ZBBX: variants seen among roughly 807,000 people sequenced by gnomAD.
ZBBX encodes zinc finger B-box domain-containing protein 1.
Under a neutral mutation model 108.5 loss-of-function variants are expected in ZBBX, and 101 were observed. The observed-to-expected ratio is 0.93, with a 90% CI of 0.79 to 1.10. The LOEUF is 1.10. Ranked by LOEUF, ZBBX falls within the 50% of genes least tolerant of loss-of-function variation. The probability of loss-of-function intolerance (pLI) is 0.00; values close to 1 mark genes in which losing one functional copy is unlikely to be tolerated. For missense variants in ZBBX, 1,009 were observed against 941.4 expected (o/e 1.07, Z -0.94); for synonymous variants, 356 against 323.4 (o/e 1.10, Z -1.08).
intron 20 of ZBBX, 151 bp downstream of exon 20, chr3:167,282,087 C>T: frequency 1.2e-6 from 1 of 856,792 alleles, no homozygotes; most frequent in South Asian, 2.3e-5. Context: ...TCGGGGATTT[C>T]CAGGAAAACA....
intron 1 of ZBBX, among the ~76,000 whole-genome samples, chr3:167,386,431 T>C (rs1387778550): frequency 6.6e-6 from 1 of 152,066 alleles, no homozygotes; most frequent in East Asian, 1.9e-4. Flanking sequence ...AACTCCAAAG[T>C]ATAGATTCCC....
the ZBBX span, among the ~76,000 whole-genome samples, chr3:167,181,877 T>C: frequency 6.6e-6 from 1 of 152,188 alleles, no homozygotes; most frequent in Non-Finnish European, 1.5e-5. Flanking sequence ...TTGGCACTTT[T>C]TGTAGGGGTT....
At chr3:167,190,829 A>T in the ZBBX span, among the ~76,000 whole-genome samples, 3 of 152,198 alleles carry the variant, frequency 2.0e-5, no homozygotes, top group East Asian at 5.8e-4. Context: ...GATGCCAGTG[A>T]GCTGAACAGA....
the ZBBX span, among the ~76,000 whole-genome samples, chr3:167,216,255 A>G: frequency 6.6e-6 from 1 of 152,160 alleles, no homozygotes; most frequent in Non-Finnish European, 1.5e-5. Flanking sequence ...AAGCTCCTTC[A>G]CCTGATAAAC....
intron 19 of ZBBX, among the ~76,000 whole-genome samples, chr3:167,287,953 G>A (rs561689329): frequency 6.6e-6 from 1 of 152,164 alleles, no homozygotes; most frequent in South Asian, 2.1e-4. Flanking sequence ...TATATAGAGA[G>A]GCAAATCATA....
the ZBBX span, among the ~76,000 whole-genome samples, chr3:167,178,649 G>T: frequency 6.6e-6 from 1 of 152,082 alleles, no homozygotes; most frequent in African/African-American, 2.4e-5. Flanking sequence ...CTGCTGATAA[G>T]GTCCTGGAGA....
rs1287590323 is a variant in ZBBX, at chr3:167,365,868, C to A, written c.273+18G>T. On this transcript the variant is annotated intron_variant, in intron 6 of 21. Transcript: ENST00000675490. ...CTTGCTTAGCAAAATGCATAAGAAT[C>A]AAATAGTATCTTCTTACCTTAACAA... 6.4e-7 allele frequency: 1 copy of A among 1,560,906 alleles called. No individual in the cohort carries two copies. The highest frequency in any genetic ancestry group is 8.8e-7 in the Non-Finnish European group (1 of 1,138,004).
At chr3:167,278,161 T>C (rs1182331273) in intron 20 of ZBBX, among the ~76,000 whole-genome samples, 1 of 118,332 alleles carries the variant, frequency 8.5e-6, no homozygotes, top group African/African-American at 3.4e-5. Context: ...AGATCCAAAA[T>C]TGACACCCTA....
Position 167,324,394 on chromosome 3 carries a change from T to G in ZBBX, c.863-2157A>C, listed in dbSNP as rs149156557. Among the ~76,000 whole-genome samples, 11 of 152,218 alleles carry G rather than the reference T, an allele frequency of 7.2e-5. No individual in the cohort carries two copies. In the East Asian group the frequency reaches 2.1e-3, roughly 29 times the overall value. ...TCCTGGCCTCCTAAAGTGCTGAAGT[T>G]ACAGACATAAGCCAGCAGACCCAGT... is the stretch of plus-strand genomic sequence containing the variant. On this transcript the variant is annotated intron_variant, in intron 11 of 21. Coordinates refer to ENST00000675490, the MANE Select transcript of ZBBX (RefSeq NM_001199201.2).
At chr3:167,277,449 C>T (rs1383392215) in intron 20 of ZBBX, among the ~76,000 whole-genome samples, 2 of 151,968 alleles carry the variant, frequency 1.3e-5, no homozygotes, top group African/African-American at 2.4e-5. Context: ...GATTGCAATC[C>T]TAGTCTCTGA....
At chr3:167,258,391 T>C (rs558272534) in intron 20 of ZBBX, among the ~76,000 whole-genome samples, 1 of 152,266 alleles carries the variant, frequency 6.6e-6, no homozygotes, top group Non-Finnish European at 1.5e-5. Flanking sequence ...AATGAGGATC[T>C]AGTTTTATTC....
intron 16 of ZBBX, among the ~76,000 whole-genome samples, chr3:167,310,368 C>A (rs879821524): frequency 2.6e-5 from 4 of 152,158 alleles, no homozygotes; most frequent in Admixed American, 6.5e-5. Flanking sequence ...AAAGTCACTT[C>A]CACATTTTCA....
At chr3:167,300,915 CTTT>C (rs59563822) in intron 17 of ZBBX, among the ~76,000 whole-genome samples, 2,493 of 136,498 alleles carry the variant, frequency 0.018, 74 homozygotes, top group African/African-American at 0.063. Context: ...TGTGCCTGGC[CTTT>C]TTTTTTTTTT....
At chr3:167,208,400 G>A in the ZBBX span, among the ~76,000 whole-genome samples, 2 of 152,322 alleles carry the variant, frequency 1.3e-5, no homozygotes, top group Middle Eastern at 3.4e-3. Flanking sequence ...TTCCAGAAAA[G>A]AGTCCTTCCC....
chr3:167,341,103 A>G (rs1399145055), intron 9 of ZBBX, among the ~76,000 whole-genome samples: 1 of 151,954 alleles, frequency 6.6e-6, no homozygotes, highest in African/African-American at 2.4e-5. Flanking sequence ...TACTTTAAGT[A>G]GTTCTTAAAA....
the ZBBX span, among the ~76,000 whole-genome samples, chr3:167,206,586 A>G: frequency 6.6e-6 from 1 of 152,064 alleles, no homozygotes; most frequent in East Asian, 1.9e-4. Context: ...AAAGCAATAT[A>G]CAGATTGAAT....
intron 11 of ZBBX, among the ~76,000 whole-genome samples, chr3:167,324,825 A>G (rs2108342320): frequency 6.6e-6 from 1 of 152,254 alleles, no homozygotes; most frequent in East Asian, 1.9e-4. Flanking sequence ...ACGGTGCTTA[A>G]TGCCTTGGTA....
At chr3:167,196,672 T>A in the ZBBX span, among the ~76,000 whole-genome samples, 1 of 152,160 alleles carries the variant, frequency 6.6e-6, no homozygotes, top group Non-Finnish European at 1.5e-5. Context: ...TACTTCAATT[T>A]TAGCATCATT....
At chr3:167,341,591 A>C (rs572055885) in intron 9 of ZBBX, among the ~76,000 whole-genome samples, 1 of 152,082 alleles carries the variant, frequency 6.6e-6, no homozygotes, top group East Asian at 1.9e-4. Context: ...AAAGTGAGAC[A>C]GAATAGCAAA....
Sources: gnomAD v4.1 joint callset for allele counts (sites outside exome capture counted in the v4.1 genomes callset) on GRCh38, gnomAD v4.1.1 for gene constraint, MANE v1.5 for transcripts, NCBI Gene and HGNC (gene_info 2026-07-23, HGNC 2026-07-21) for gene names.